Variants in TMPRSS2 observed in about 807,000 individuals in gnomAD.
The protein encoded by TMPRSS2 is transmembrane protease serine 2.
Under a neutral mutation model 67.4 loss-of-function variants are expected in TMPRSS2, and 59 were observed. The observed-to-expected ratio is 0.88, with a 90% CI of 0.71 to 1.09. TMPRSS2 has a LOEUF of 1.09. Ranked by LOEUF, TMPRSS2 falls within the 50% of genes least tolerant of loss-of-function variation. The probability of loss-of-function intolerance (pLI) is 0.00; values close to 1 mark genes in which losing one functional copy is unlikely to be tolerated. For missense variants in TMPRSS2, 668 were observed against 642.7 expected (o/e 1.04, Z -0.43); for synonymous variants, 257 against 257.0 (o/e 1.00, Z 0.00).
chr21:41,472,673 G>A (rs1234433493), intron 9 of TMPRSS2, among the ~76,000 whole-genome samples: 1 of 152,214 alleles, frequency 6.6e-6, no homozygotes, highest in Admixed American at 6.5e-5. Flanking sequence ...GAGACGTTGA[G>A]TGAATCGTCT....
intron 2 of TMPRSS2, among the ~76,000 whole-genome samples, chr21:41,495,349 C>G (rs376961377): frequency 6.6e-6 from 1 of 151,796 alleles, no homozygotes; most frequent in Non-Finnish European, 1.5e-5. Flanking sequence ...TTTGGCTGGG[C>G]GCAGTGGGTC....
At chr21:41,482,589 A>G (rs1041290537) in intron 5 of TMPRSS2, among the ~76,000 whole-genome samples, 20 of 152,186 alleles carry the variant, frequency 1.3e-4, no homozygotes, top group Non-Finnish European at 2.4e-4. Context: ...GACTCACTGG[A>G]CAGTCTGGTA....
intron 5 of TMPRSS2, 96 bp from the exon 6 acceptor site, chr21:41,480,698 G>A: frequency 4.0e-6 from 6 of 1,513,040 alleles, no homozygotes; most frequent in Non-Finnish European, 5.4e-6. Context: ...AAGTGCAGTG[G>A]TCTGATCTCC....
At chr21:41,488,820 T>C (rs1362733689) in intron 4 of TMPRSS2, among the ~76,000 whole-genome samples, 1 of 152,140 alleles carries the variant, frequency 6.6e-6, no homozygotes, top group Non-Finnish European at 1.5e-5. Context: ...GTATTTTTAG[T>C]AGAGATGGAG....
At chr21:41,489,959 C>T (rs1418614478) in intron 3 of TMPRSS2, among the ~76,000 whole-genome samples, 1 of 151,922 alleles carries the variant, frequency 6.6e-6, no homozygotes, top group Non-Finnish European at 1.5e-5. Flanking sequence ...ACCAGCCTGG[C>T]CAACATGGTG....
chr21:41,489,769 C>A (rs1430514733), intron 3 of TMPRSS2, among the ~76,000 whole-genome samples, 176 bp from the exon 4 acceptor site: 1 of 152,164 alleles, frequency 6.6e-6, no homozygotes, highest in African/African-American at 2.4e-5. Flanking sequence ...TCTTCCATAA[C>A]ACTAAACCTT....
intron 8 of TMPRSS2, among the ~76,000 whole-genome samples, chr21:41,475,583 T>G (rs963248460): frequency 4.4e-5 from 1 of 22,964 alleles, no homozygotes; most frequent in Non-Finnish European, 8.8e-5. Context: ...CGGGGTGGGG[T>G]GAGGGAGGGA....
rs2091071404 is a variant in TMPRSS2 at position 41,464,791 on chromosome 21, T to C, written c.*1351A>G. 8.6e-6 allele frequency: 2 copies of C among 233,328 alleles called. No individual in the cohort carries two copies. Among genetic ancestry groups the C allele is most frequent in the Non-Finnish European group, 1.7e-5 (2 of 118,058 alleles). The allele number at this position is 233,328 out of a possible 1,614,324, so 14.5% of individuals were successfully genotyped here. ...GGGAATGCTGCTCTCTACAGAGGCATGTGCACAGACAGATCCTGCAAATGG... is the reference window on the plus strand; with the variant it reads ...GGGAATGCTGCTCTCTACAGAGGCACGTGCACAGACAGATCCTGCAAATGG... On this transcript the variant is annotated 3_prime_UTR_variant, in exon 14 of 14. Transcript: ENST00000332149.
At chr21:41,497,135 C>T (rs1217818352) in intron 2 of TMPRSS2, among the ~76,000 whole-genome samples, 2 of 152,138 alleles carry the variant, frequency 1.3e-5, no homozygotes, top group East Asian at 1.9e-4. Flanking sequence ...CCACCACGCC[C>T]AGCCTGCCCC....
chr21:41,480,946 A>G (rs2091252789), intron 5 of TMPRSS2, among the ~76,000 whole-genome samples: 1 of 152,074 alleles, frequency 6.6e-6, no homozygotes, highest in Non-Finnish European at 1.5e-5. Context: ...CCTTGTCCCA[A>G]CTTGTATCGT....
intron 11 of TMPRSS2, among the ~76,000 whole-genome samples, chr21:41,469,726 A>G (rs929893439): frequency 6.6e-6 from 1 of 151,908 alleles, no homozygotes; most frequent in Non-Finnish European, 1.5e-5. Flanking sequence ...CATCTGTCTG[A>G]CCACACCTGC....
chr21:41,504,689 C>A (rs114848359), intron 1 of TMPRSS2, among the ~76,000 whole-genome samples: 1 of 152,102 alleles, frequency 6.6e-6, no homozygotes, highest in Non-Finnish European at 1.5e-5. Context: ...CTCGGTGGGG[C>A]CAAGGTGGTC....
intron 2 of TMPRSS2, among the ~76,000 whole-genome samples, chr21:41,497,710 C>T (rs184859933): frequency 3.1e-4 from 47 of 152,298 alleles, no homozygotes; most frequent in Admixed American, 2.6e-3. Flanking sequence ...AGGGAAGGCC[C>T]GCCCATGCCT....
rs2091072999 is a variant in TMPRSS2 at position 41,464,968 on chromosome 21, T to C, written c.*1174A>G. On this transcript the variant is annotated 3_prime_UTR_variant, in exon 14 of 14. Coordinates refer to ENST00000332149, the MANE Select transcript of TMPRSS2 (RefSeq NM_005656.4). ...GGCAATGCAAAAGGGACCCTTCCCC[T>C]GGTTGGAAACCCACAGCATTGGAAG... is the stretch of plus-strand genomic sequence containing the variant. 1 of 233,190 alleles carries C rather than the reference T, an allele frequency of 4.3e-6. No homozygotes were observed. The highest frequency in any genetic ancestry group is 5.6e-5 in the Admixed American group (1 of 17,780). The allele number at this position is 233,190 out of a possible 1,614,324, so 14.4% of individuals were successfully genotyped here.
Position 41,468,489 on chromosome 21 carries a change from T to G in TMPRSS2, c.1221A>C (p.Thr407=). Residue 407 remains threonine (T), a synonymous_variant, in exon 12 of 14, where the codon ACA becomes ACC. Transcript: ENST00000332149. The part of the protein sequence containing the change: ...LNAAKVLLIE[T]QRCNSRYVYD... Reference sequence around the variant, plus strand: ...AGACATATCTGCTGTTGCATCTCTGTGTCTCAATGAGAAGCACCTTGGCAG... The same window carrying G: ...AGACATATCTGCTGTTGCATCTCTGGGTCTCAATGAGAAGCACCTTGGCAG... 6.2e-7 allele frequency: 1 copy of G among 1,614,200 alleles called. No homozygotes were observed. The highest frequency in any genetic ancestry group is 8.5e-7 in the Non-Finnish European group (1 of 1,180,032).
At chr21:41,503,105 T>A (rs1032674452) in intron 1 of TMPRSS2, among the ~76,000 whole-genome samples, 1 of 152,172 alleles carries the variant, frequency 6.6e-6, no homozygotes, top group African/African-American at 2.4e-5. Flanking sequence ...TGAAATACAA[T>A]GCAATTTGCA....
intron 9 of TMPRSS2, 97 bp from the exon 10 acceptor site, chr21:41,472,078 A>T (rs1172727749): frequency 2.3e-6 from 3 of 1,280,502 alleles, no homozygotes; most frequent in Non-Finnish European, 3.2e-6. Flanking sequence ...AGACACCCAG[A>T]GGCAGGATGG....
intron 3 of TMPRSS2, 142 bp downstream of exon 3, chr21:41,494,214 G>C: frequency 1.1e-6 from 1 of 904,174 alleles, no homozygotes; most frequent in Non-Finnish European, 1.7e-6. Context: ...AAGGCATGAA[G>C]ACAGGCTGGC....
At chr21:41,502,527 C>T (rs936431593) in intron 1 of TMPRSS2, 8 of 985,284 alleles carry the variant, frequency 8.1e-6, no homozygotes, top group African/African-American at 1.7e-5. Context: ...CCACCATCCA[C>T]GGACACATCC....
Sources: gnomAD v4.1 joint callset for allele counts (sites outside exome capture counted in the v4.1 genomes callset) on GRCh38, gnomAD v4.1.1 for gene constraint, MANE v1.5 for transcripts, NCBI Gene and HGNC (gene_info 2026-07-23, HGNC 2026-07-21) for gene names.